Variants in TPO observed in about 807,000 individuals in gnomAD.
TPO encodes thyroid peroxidase.
TPO carries 78 observed loss-of-function variants against 96.9 expected under a neutral mutation model. The ratio of observed to expected loss-of-function variants is 0.81; its 90% CI spans 0.67 to 0.97. The LOEUF (loss-of-function observed/expected upper bound fraction) is 0.97. Ranked by LOEUF, TPO falls within the 50% of genes least tolerant of loss-of-function variation. The pLI is 0.00. For synonymous variants in TPO, 547 were observed against 538.0 expected, an observed-to-expected ratio of 1.02 and a Z score of -0.23; for missense variants, 1,252 against 1,274.8, an observed-to-expected ratio of 0.98 and a Z score of 0.27.
At chr2:1,460,450 A>G (rs1384867775) in intron 7 of TPO, among the ~76,000 whole-genome samples, 1 of 152,162 alleles carries the variant, frequency 6.6e-6, no homozygotes, top group Non-Finnish European at 1.5e-5. Context: ...CCTATTATCT[A>G]TCAGGTCTTG....
At chr2:1,532,681 A>C (rs1400775322) in intron 15 of TPO, among the ~76,000 whole-genome samples, 2 of 37,936 alleles carry the variant, frequency 5.3e-5, no homozygotes, top group African/African-American at 1.3e-4. Flanking sequence ...CCTCACAACC[A>C]CCCACTCTGT....
At chr2:1,530,542 T>TC (rs1181621424) in intron 15 of TPO, among the ~76,000 whole-genome samples, 1 of 15,268 alleles carries the variant, frequency 6.5e-5, no homozygotes, top group African/African-American at 2.9e-4. Context: ...CCCCCCCAAA[T>TC]CCCCCCCATT....
chr2:1,433,836 TC>T (rs2148492015), intron 4 of TPO, among the ~76,000 whole-genome samples: 1 of 152,348 alleles, frequency 6.6e-6, no homozygotes, highest in Non-Finnish European at 1.5e-5. Flanking sequence ...CCTATCCAAA[TC>T]AAATTTGAGA....
chr2:1,527,574 G>A lies in TPO; in HGVS notation c.2618+10592G>A, dbSNP rs373740202. Among the ~76,000 whole-genome samples, 71 of 146,448 alleles carry A rather than the reference G, an allele frequency of 4.8e-4. 1 individual carries two copies. Among genetic ancestry groups the A allele is most frequent in the Middle Eastern group, 7.6e-3 (2 of 262 alleles). On this transcript the variant is annotated intron_variant, in intron 15 of 16. Coordinates refer to ENST00000329066, the MANE Select transcript of TPO (RefSeq NM_001206744.2). ...TTCAGCTTCCCCAAATACCAACTGT[G>A]TGCAACCTCCTCACATCCCCACCAC...
chr2:1,425,947 C>T (rs1664335025), intron 3 of TPO, among the ~76,000 whole-genome samples: 1 of 146,082 alleles, frequency 6.8e-6, no homozygotes, highest in African/African-American at 2.6e-5. Context: ...TTGATCATTT[C>T]ATATACTCAG....
chr2:1,533,347 A>G (rs1573623190), intron 15 of TPO, among the ~76,000 whole-genome samples: 1 of 77,712 alleles, frequency 1.3e-5, no homozygotes, highest in African/African-American at 5.1e-5. Context: ...ACTGTGTGCA[A>G]CCTTCCCAAA....
chr2:1,540,017 C>T (rs1267707500), intron 15 of TPO, among the ~76,000 whole-genome samples: 1 of 152,172 alleles, frequency 6.6e-6, no homozygotes, highest in African/African-American at 2.4e-5. Context: ...GGGTAACTTG[C>T]TCTTCCCTCC....
rs1672380835 is a variant in TPO, at chr2:1,496,648, G to A, written c.2269G>A (p.Glu757Lys). 6.2e-7 allele frequency: 1 copy of A among 1,613,990 alleles called. No homozygotes were observed. Residue 757 changes from glutamate to lysine, a missense_variant, in exon 13 of 17, where the codon GAG (glutamate) becomes AAG (lysine). Glu to Lys is a moderately conservative substitution (Grantham distance 56, BLOSUM62 1). Transcript: ENST00000329066. ...SVENGDFVHC[E>K]ESGRRVLVYS... is the part of the protein sequence containing the mutation. ...GGAGAATGGGGACTTTGTGCACTGTGAGGAGTCTGGGAGGCGCGTGCTGGT... is the reference window on the plus strand; with the variant it reads ...GGAGAATGGGGACTTTGTGCACTGTAAGGAGTCTGGGAGGCGCGTGCTGGT...
chr2:1,496,885 G>T (rs1425843640), intron 13 of TPO, 120 bp downstream of exon 13: 23 of 1,454,278 alleles, frequency 1.6e-5, no homozygotes, highest in Non-Finnish European at 2.2e-5. Flanking sequence ...TATCTTCCCA[G>T]GAGCAATCTG....
chr2:1,478,990 T>C (rs1573358326), intron 8 of TPO, among the ~76,000 whole-genome samples: 1 of 152,230 alleles, frequency 6.6e-6, no homozygotes, highest in Non-Finnish European at 1.5e-5. Context: ...AGGAGGCTTA[T>C]GTGGGTGAGA....
At chr2:1,404,025 G>A (rs1471554678) in intron 1 of TPO, among the ~76,000 whole-genome samples, 4 of 152,190 alleles carry the variant, frequency 2.6e-5, no homozygotes, top group Non-Finnish European at 4.4e-5. Context: ...GCAATCTTGC[G>A]TGAACTTATG....
At chr2:1,516,473 T>C (rs535337243) in intron 14 of TPO, among the ~76,000 whole-genome samples, 1 of 152,286 alleles carries the variant, frequency 6.6e-6, no homozygotes, top group South Asian at 2.1e-4. Flanking sequence ...ACCGCGTCCC[T>C]TACAGCCCAC....
chr2:1,429,992 G>A (rs1664817032), intron 3 of TPO, among the ~76,000 whole-genome samples: 5 of 152,198 alleles, frequency 3.3e-5, no homozygotes, highest in Admixed American at 3.3e-4. Context: ...ATTAAAGGGG[G>A]TTGTTGGAGT....
In TPO at chr2:1,403,795, T is replaced by A. The variant is rs1407497514; in HGVS notation, n.180+29393T>A. 2.0e-5 allele frequency among the ~76,000 whole-genome samples: 3 copies of A among 152,262 alleles called. No homozygotes were observed. The East Asian group carries it at 5.8e-4, about 29-fold the overall frequency. On this transcript the variant is annotated intron_variant and non_coding_transcript_variant, in intron 1 of 5. Coordinates refer to the TPO transcript ENST00000497517. ...CTGTGGTGTGACCACCTGGCATGCTTTAGTGGGAGTGGTGTGACCAGAGCA... is the reference window on the plus strand; with the variant it reads ...CTGTGGTGTGACCACCTGGCATGCTATAGTGGGAGTGGTGTGACCAGAGCA...
In TPO at chr2:1,493,863, C is replaced by T. The variant is rs751761826; in HGVS notation, c.1830C>T (p.Ser610=). The T allele has an allele frequency of 6.2e-7, 1 of 1,614,214 alleles. No individual in the cohort carries two copies. Among genetic ancestry groups the T allele is most frequent in the South Asian group, 1.1e-5 (1 of 91,080 alleles). The part of the protein sequence containing the change: ...LPRLETPADL[S]TAIASRSVAD... ...GCCTGGAGACCCCCGCTGACCTGAG[C>T]ACAGCCATCGCCAGCAGGAGCGTGG... is the stretch of plus-strand genomic sequence containing the variant. The change falls in exon 11 of 17, where the codon AGC becomes AGT. Residue 610 remains serine, a synonymous_variant. Coordinates refer to ENST00000329066, the MANE Select transcript of TPO (RefSeq NM_001206744.2).
chr2:1,485,626 T>C (rs6716111), intron 9 of TPO, among the ~76,000 whole-genome samples: 45,577 of 151,462 alleles, frequency 0.3, 7,250 homozygotes, highest in Admixed American at 0.35. Context: ...TATCTCATTG[T>C]GGTTTTGATT....
At chr2:1,381,836 C>T (rs1661815183) in intron 1 of TPO, among the ~76,000 whole-genome samples, 1 of 152,120 alleles carries the variant, frequency 6.6e-6, no homozygotes, top group African/African-American at 2.4e-5. Context: ...GAACTGAGCT[C>T]CATGACTCAC....
intron 1 of TPO, among the ~76,000 whole-genome samples, chr2:1,387,985 T>A (rs1661929176): frequency 6.6e-6 from 1 of 152,208 alleles, no homozygotes; most frequent in African/African-American, 2.4e-5. Context: ...CTCCAGACCC[T>A]GTTTGCCTGG....
Position 1,477,459 on chromosome 2 carries a change from G to C in TPO, c.1193G>C (p.Ser398Thr), listed in dbSNP as rs2175977. The change falls in exon 8 of 17, where the codon AGC becomes ACC. Residue 398 changes from serine to threonine, a missense_variant. Ser to Thr is a moderately conservative substitution (Grantham distance 58). Coordinates refer to ENST00000329066, the MANE Select transcript of TPO (RefSeq NM_001206744.2). ...TTCCTGGCCGGAGACGGCCGCGCCA[G>C]CGAGGTCCCCTCCCTGACGGCACTG... is the stretch of plus-strand genomic sequence containing the variant. The part of the protein sequence containing the change: ...PCFLAGDGRA[S>T]EVPSLTALHT... 0.62 allele frequency: 948,622 copies of C among 1,525,816 alleles called. 297,044 individuals are homozygous for C. Among genetic ancestry groups the C allele is most frequent in the African/African-American group, 0.79 (56,277 of 71,058 alleles). 94.5% of individuals were successfully genotyped at this position (1,525,816 alleles called of 1,614,324 possible).
Sources: gnomAD v4.1 joint callset for allele counts (sites outside exome capture counted in the v4.1 genomes callset) on GRCh38, gnomAD v4.1.1 for gene constraint, MANE v1.5 for transcripts, NCBI Gene and HGNC (gene_info 2026-07-23, HGNC 2026-07-21) for gene names.